TBCK: variants seen among roughly 807,000 people sequenced by gnomAD.
The protein encoded by TBCK is TBC domain-containing protein kinase-like protein.
In TBCK, 99 loss-of-function variants were observed where a neutral mutation model predicts 113.4. The observed-to-expected ratio is 0.87, with a 90% CI of 0.74 to 1.03. The LOEUF is 1.03. TBCK is among the 50% of genes least tolerant of loss of function. The pLI, the probability that TBCK is intolerant of heterozygous loss-of-function variation, is 0.00. For missense variants in TBCK, 1,045 were observed against 1,061.3 expected, an observed-to-expected ratio of 0.98 and a Z score of 0.21; for synonymous variants, 369 against 370.8, an observed-to-expected ratio of 1.00 and a Z score of 0.05.
rs376481410 is a variant in TBCK at position 106,084,612 on chromosome 4, A to G, written c.2571+10870T>C. On this transcript the variant is annotated intron_variant, in intron 25 of 25. Coordinates refer to ENST00000394708, the MANE Select transcript of TBCK (RefSeq NM_001163435.3). The stretch of plus-strand genomic sequence containing the variant: ...CACCACCGTTAAGATACTCCACGAG[A>G]AGATCAACCCCAAGACACATAATCA... Among the ~76,000 whole-genome samples, 6 of 152,272 alleles carry G rather than the reference A, an allele frequency of 3.9e-5. No homozygotes were observed. The East Asian group carries it at 1.2e-3, about 29-fold the overall frequency.
At chr4:106,213,817 G>C (rs1756493563) in intron 19 of TBCK, 1 of 155,344 alleles carries the variant, frequency 6.4e-6, no homozygotes, top group Admixed American at 6.5e-5. Context: ...GCCCAGGCTT[G>C]CTTAGGTAAA....
chr4:106,293,970 A>G (rs1360530518), intron 3 of TBCK, among the ~76,000 whole-genome samples: 2 of 152,208 alleles, frequency 1.3e-5, no homozygotes, highest in East Asian at 3.9e-4. Context: ...ATTTAATAGT[A>G]TATTTCTAAT....
In TBCK at chr4:106,309,383, G is replaced by A. The variant is rs150757973; in HGVS notation, c.-29-394C>T. On this transcript the variant is annotated intron_variant, in intron 1 of 25. Transcript: ENST00000394708. ...GCTGGAGTGCAGTGGTGTGATCTCC[G>A]CGCACTGCAACCTCTGCCTCCCGGG... is the stretch of plus-strand genomic sequence containing the variant. 3.0e-4 allele frequency among the ~76,000 whole-genome samples: 39 copies of A among 131,944 alleles called. No individual in the cohort carries two copies. In the East Asian group the frequency reaches 4.0e-3, roughly 14 times the overall value. 86.6% of individuals were successfully genotyped at this position (131,944 alleles called of 152,430 possible). A position where few individuals can be genotyped will look rare whatever the true frequency, so the allele number is the denominator to read the frequency against.
At chr4:106,060,854 T>C (rs1053889968) in intron 25 of TBCK, among the ~76,000 whole-genome samples, 11 of 151,808 alleles carry the variant, frequency 7.2e-5, no homozygotes, top group Admixed American at 5.3e-4. Context: ...GAAATGGAGT[T>C]TGGAAGAAGT....
chr4:106,088,230 T>C (rs1036810773), intron 25 of TBCK, among the ~76,000 whole-genome samples: 1 of 152,120 alleles, frequency 6.6e-6, no homozygotes, highest in Non-Finnish European at 1.5e-5. Flanking sequence ...ATCCAGAATT[T>C]ACAAGGAACT....
rs1376094007 is a variant in TBCK at position 106,046,483 on chromosome 4, G to A, written c.*87C>T. On this transcript the variant is annotated 3_prime_UTR_variant, in exon 26 of 26. Coordinates refer to ENST00000394708, the MANE Select transcript of TBCK (RefSeq NM_001163435.3). ...GGAAATGCAACAATCTGGACATCTA[G>A]TTTTGTCTGAGAGTGGCGTGGATAT... 3 of 714,630 alleles carry A rather than the reference G, an allele frequency of 4.2e-6. No homozygotes were observed. The highest frequency in any genetic ancestry group is 1.8e-5 in the African/African-American group (1 of 55,348). The allele number at this position is 714,630 out of a possible 1,614,324, so 44.3% of individuals were successfully genotyped here. A position where few individuals can be genotyped will look rare whatever the true frequency, so the allele number is the denominator to read the frequency against.
intron 23 of TBCK, among the ~76,000 whole-genome samples, chr4:106,167,805 G>A (rs999244374): frequency 1.3e-4 from 20 of 151,724 alleles, no homozygotes; most frequent in Admixed American, 1.1e-3. Flanking sequence ...ACTTATATGA[G>A]AAGAATTAGA....
chr4:106,120,261 C>T (rs1744121589), intron 23 of TBCK, among the ~76,000 whole-genome samples: 1 of 152,122 alleles, frequency 6.6e-6, no homozygotes, highest in Admixed American at 6.5e-5. Context: ...TTCGGACCCC[C>T]TTAAAAAACG....
At chr4:106,202,727 T>C (rs1337367596) in intron 20 of TBCK, among the ~76,000 whole-genome samples, 2 of 152,044 alleles carry the variant, frequency 1.3e-5, no homozygotes, top group Non-Finnish European at 2.9e-5. Context: ...GACAGTCTCT[T>C]AGGTGAATTT....
intron 3 of TBCK, among the ~76,000 whole-genome samples, chr4:106,266,657 C>G (rs1250757727): frequency 6.6e-6 from 1 of 151,824 alleles, no homozygotes; most frequent in Non-Finnish European, 1.5e-5. Context: ...TTAGCTATTA[C>G]TTGAGAGTAC....
Position 106,046,501 on chromosome 4 carries a change from G to A in TBCK, c.*69C>T, listed in dbSNP as rs1019726435. 54 of 806,660 alleles carry A rather than the reference G, an allele frequency of 6.7e-5. No homozygotes were observed. In the Admixed American group the frequency reaches 8.2e-4, roughly 12 times the overall value. 50.0% of individuals were successfully genotyped at this position (806,660 alleles called of 1,614,324 possible). ...ACATCTAGTTTTGTCTGAGAGTGGCGTGGATATGAAGAACTGTGCTGTTGG... is the reference window on the plus strand; with the variant it reads ...ACATCTAGTTTTGTCTGAGAGTGGCATGGATATGAAGAACTGTGCTGTTGG... On this transcript the variant is annotated 3_prime_UTR_variant, in exon 26 of 26. Transcript: ENST00000394708.
At chr4:106,264,468 G>A (rs1762801102) in intron 3 of TBCK, among the ~76,000 whole-genome samples, 1 of 152,014 alleles carries the variant, frequency 6.6e-6, no homozygotes, top group African/African-American at 2.4e-5. Flanking sequence ...TAAAGTGACA[G>A]GAGATAAGCT....
intron 3 of TBCK, among the ~76,000 whole-genome samples, chr4:106,269,006 A>G (rs1290128446): frequency 2.0e-5 from 3 of 152,150 alleles, no homozygotes; most frequent in Admixed American, 2.0e-4. Flanking sequence ...CAAGGGAGGA[A>G]ACACATTTCT....
At chr4:106,055,551 T>TACACAC (rs3056715) in intron 25 of TBCK, among the ~76,000 whole-genome samples, 1 of 149,222 alleles carries the variant, frequency 6.7e-6, no homozygotes, top group African/African-American at 2.5e-5. Flanking sequence ...AGTTCAATTA[T>TACACAC]ACACACACAC....
At chr4:106,189,788 G>A (rs1039538868) in intron 22 of TBCK, among the ~76,000 whole-genome samples, 3 of 151,746 alleles carry the variant, frequency 2.0e-5, no homozygotes, top group African/African-American at 7.3e-5. Context: ...AATCTTTAAT[G>A]TGGCCTACAA....
intron 5 of TBCK, among the ~76,000 whole-genome samples, chr4:106,253,815 A>C (rs541769702): frequency 1.3e-5 from 2 of 152,278 alleles, no homozygotes; most frequent in East Asian, 3.9e-4. Context: ...GACCACTCTC[A>C]TGTTTAGAAA....
chr4:106,067,269 G>C (rs971429890), intron 25 of TBCK, among the ~76,000 whole-genome samples: 2 of 152,054 alleles, frequency 1.3e-5, no homozygotes, highest in African/African-American at 4.8e-5. Context: ...TTGGCCATTT[G>C]TATATCTTCC....
intron 24 of TBCK, among the ~76,000 whole-genome samples, chr4:106,108,338 T>C (rs1243800368): frequency 6.7e-6 from 1 of 149,794 alleles, no homozygotes; most frequent in Non-Finnish European, 1.5e-5. Flanking sequence ...CCTTGATGAA[T>C]GTCGATGCAA....
At chr4:106,089,598 C>T (rs1478114606) in intron 25 of TBCK, among the ~76,000 whole-genome samples, 1 of 152,164 alleles carries the variant, frequency 6.6e-6, no homozygotes, top group African/African-American at 2.4e-5. Context: ...TCCATTGATC[C>T]TATGAGCCTG....
Sources: gnomAD v4.1 joint callset for allele counts (sites outside exome capture counted in the v4.1 genomes callset) on GRCh38, gnomAD v4.1.1 for gene constraint, MANE v1.5 for transcripts, NCBI Gene and HGNC (gene_info 2026-07-23, HGNC 2026-07-21) for gene names.